The following SKIL variants were observed in gnomAD, a reference collection of about 807,000 sequenced individuals.
The protein encoded by SKIL is ski-like protein.
SKIL carries 20 observed loss-of-function variants against 69.6 expected under a neutral mutation model. That is an observed-to-expected ratio of 0.29 (90% CI 0.20 to 0.42). SKIL has a LOEUF of 0.42. Among genes scored for constraint, SKIL ranks in the 10% least tolerant of loss-of-function variants. The pLI, the probability that SKIL is intolerant of heterozygous loss-of-function variation, is 1.00. For missense variants in SKIL, 745 were observed against 783.1 expected, an observed-to-expected ratio of 0.95 and a Z score of 0.58; for synonymous variants, 310 against 279.9, an observed-to-expected ratio of 1.11 and a Z score of -1.08.
chr3:170,362,959 A>G (rs539893727), intron 2 of SKIL, among the ~76,000 whole-genome samples: 1 of 151,212 alleles, frequency 6.6e-6, no homozygotes, highest in Admixed American at 6.6e-5. Flanking sequence ...TTAAATATTT[A>G]GTTTCTTGAT....
chr3:170,382,838 C>T (rs1169259784), intron 3 of SKIL, among the ~76,000 whole-genome samples: 1 of 151,280 alleles, frequency 6.6e-6, no homozygotes, highest in Non-Finnish European at 1.5e-5. Context: ...CCTGCCTCAG[C>T]CTCCTGAGTA....
intron 3 of SKIL, among the ~76,000 whole-genome samples, chr3:170,381,911 C>A (rs1275907426): frequency 6.6e-6 from 1 of 151,700 alleles, no homozygotes; most frequent in African/African-American, 2.4e-5. Context: ...GAAACCCTGT[C>A]TCTACTAAAA....
In SKIL at chr3:170,360,263, C is replaced by G; in HGVS notation, c.-69C>G. The G allele has an allele frequency of 1.4e-6, 2 of 1,407,932 alleles. No homozygotes were observed. Among genetic ancestry groups the G allele is most frequent in the Admixed American group, 2.5e-5 (1 of 40,238 alleles). 87.2% of individuals were successfully genotyped at this position (1,407,932 alleles called of 1,614,324 possible). A position where few individuals can be genotyped will look rare whatever the true frequency, so the allele number is the denominator to read the frequency against. On this transcript the variant is annotated 5_prime_UTR_variant, in exon 2 of 7. Transcript: ENST00000259119. ...GCATTTGTATCCATTCATTACTTTCCTCTTTTCAAATAAGCAACTAAATAG... is the reference window on the plus strand; with the variant it reads ...GCATTTGTATCCATTCATTACTTTCGTCTTTTCAAATAAGCAACTAAATAG...
At chr3:170,363,794 A>G (rs1378581591) in intron 2 of SKIL, among the ~76,000 whole-genome samples, 2 of 152,054 alleles carry the variant, frequency 1.3e-5, no homozygotes, top group African/African-American at 4.8e-5. Flanking sequence ...CTATTAACTA[A>G]TTTTAAATCA....
chr3:170,383,844 G>A (rs1001894175), intron 3 of SKIL, among the ~76,000 whole-genome samples: 3 of 152,038 alleles, frequency 2.0e-5, no homozygotes, highest in Non-Finnish European at 4.4e-5. Flanking sequence ...GCTTTGGAAG[G>A]GTGGTGGGCA....
intron 2 of SKIL, among the ~76,000 whole-genome samples, chr3:170,371,015 A>G (rs561083521): frequency 6.6e-6 from 1 of 152,334 alleles, no homozygotes; most frequent in South Asian, 2.1e-4. Context: ...TTTATAGTCT[A>G]TGTTAAATTT....
intron 2 of SKIL, among the ~76,000 whole-genome samples, chr3:170,379,230 G>A (rs7644472): frequency 0.021 from 3,211 of 152,094 alleles, 106 homozygotes; most frequent in African/African-American, 0.074. Flanking sequence ...CACCCTTCTC[G>A]GCCTCCCAAA....
intron 1 of SKIL, 23 bp from the exon 2 acceptor site, chr3:170,359,676 C>A (rs897885088): frequency 2.6e-5 from 4 of 151,998 alleles, no homozygotes; most frequent in Non-Finnish European, 5.9e-5. Context: ...AACTCTTCCC[C>A]AACCCCCCTT....
chr3:170,371,801 T>C (rs776522437), intron 2 of SKIL, among the ~76,000 whole-genome samples: 2 of 152,132 alleles, frequency 1.3e-5, no homozygotes, highest in East Asian at 1.9e-4. Flanking sequence ...AGAACCTCAA[T>C]TGAAAACCGC....
chr3:170,379,667 C>T lies in SKIL; in HGVS notation c.1099-1577C>T, dbSNP rs9842362. Among the ~76,000 whole-genome samples, 892 of 151,846 alleles carry T rather than the reference C, an allele frequency of 5.9e-3. 11 individuals carry two copies. The highest frequency in any genetic ancestry group is 0.021 in the African/African-American group (851 of 41,390). On this transcript the variant is annotated intron_variant, in intron 2 of 6. Coordinates refer to ENST00000259119, the MANE Select transcript of SKIL (RefSeq NM_005414.5). The stretch of plus-strand genomic sequence containing the variant: ...TTTTGTTTTGTTTTGTTTTTTGAGA[C>T]GATTCTTGCTCTGTTGCCCAGGCTG...
chr3:170,374,866 G>A (rs1453416962), intron 2 of SKIL, among the ~76,000 whole-genome samples: 1 of 152,176 alleles, frequency 6.6e-6, no homozygotes, highest in South Asian at 2.1e-4. Flanking sequence ...TGCAGCCTTA[G>A]AAACTGTTGG....
chr3:170,386,034 C>G (rs796943216), intron 4 of SKIL, among the ~76,000 whole-genome samples: 8 of 151,816 alleles, frequency 5.3e-5, no homozygotes, highest in Non-Finnish European at 4.4e-5. Context: ...TCAGGTGATC[C>G]GCCTGCCTCG....
intron 2 of SKIL, among the ~76,000 whole-genome samples, chr3:170,371,574 G>A (rs1053390561): frequency 2.0e-5 from 3 of 152,148 alleles, no homozygotes; most frequent in African/African-American, 4.8e-5. Flanking sequence ...TTTTAAGACA[G>A]TTCATTTAGA....
At chr3:170,378,165 A>G (rs1286639250) in intron 2 of SKIL, among the ~76,000 whole-genome samples, 1 of 152,182 alleles carries the variant, frequency 6.6e-6, no homozygotes, top group Non-Finnish European at 1.5e-5. Flanking sequence ...TGCTGGGATT[A>G]CAGGCGTGAG....
In SKIL at chr3:170,391,167, A is replaced by G. The variant is rs369348995; in HGVS notation, c.1803A>G (p.Lys601=). The G allele has an allele frequency of 3.7e-6, 6 of 1,612,118 alleles. No homozygotes were observed. Among genetic ancestry groups the G allele is most frequent in the South Asian group, 1.1e-5 (1 of 90,940 alleles). ...QRMEEFYVEQ[K]DLEKKLEQIM... ...TGGAAGAATTTTATGTTGAACAGAA[A>G]GACTTAGAGAAAAAATTGGAGCAGA... Residue 601 remains lysine, a synonymous_variant, in exon 6 of 7, where the codon AAA becomes AAG. Transcript: ENST00000259119.
At chr3:170,371,991 C>T (rs1263604269) in intron 2 of SKIL, among the ~76,000 whole-genome samples, 1 of 152,126 alleles carries the variant, frequency 6.6e-6, no homozygotes, top group Admixed American at 6.5e-5. Flanking sequence ...AATTGTTAAG[C>T]ATATATGCTA....
chr3:170,395,997 A>G lies in SKIL; in HGVS notation c.*3580A>G, dbSNP rs935029476. ...GTATTAGTATTTTATATTGCATTTC[A>G]TTTAAAAGGACAGTTTTTTTTTTTT... On this transcript the variant is annotated 3_prime_UTR_variant, in exon 7 of 7. Transcript: ENST00000259119. 1.4e-5 allele frequency: 2 copies of G among 141,240 alleles called. No individual in the cohort carries two copies. The highest frequency in any genetic ancestry group is 5.3e-5 in the African/African-American group (2 of 37,638). 8.7% of individuals were successfully genotyped at this position (141,240 alleles called of 1,614,324 possible).
intron 2 of SKIL, among the ~76,000 whole-genome samples, chr3:170,376,079 A>G (rs1472662090): frequency 3.5e-5 from 4 of 114,162 alleles, no homozygotes; most frequent in Non-Finnish European, 6.6e-5. Flanking sequence ...ACGGAGTTTC[A>G]CTGTCTTGCC....
At chr3:170,374,439 G>A (rs1305881479) in intron 2 of SKIL, among the ~76,000 whole-genome samples, 1 of 152,096 alleles carries the variant, frequency 6.6e-6, no homozygotes, top group Non-Finnish European at 1.5e-5. Flanking sequence ...TCTTTGGCAA[G>A]TTATATAATG....
Sources: allele counts gnomAD v4.1 joint callset (sites outside exome capture counted in the v4.1 genomes callset), GRCh38; gene constraint gnomAD v4.1.1; transcripts MANE v1.5; gene names NCBI Gene and HGNC (gene_info 2026-07-23, HGNC 2026-07-21).